FBXL3: variants seen among roughly 807,000 people sequenced by gnomAD.
FBXL3 encodes F-box and leucine rich repeat protein 3, also known as F-box/LRR-repeat protein 3.
A neutral mutation model predicts 37.9 loss-of-function variants in FBXL3; 14 were observed. The observed-to-expected ratio is 0.37, with a 90% CI of 0.24 to 0.58. The LOEUF (loss-of-function observed/expected upper bound fraction) is 0.58, where lower values mean the gene tolerates loss of function less well. Among genes scored for constraint, FBXL3 ranks in the 20% least tolerant of loss-of-function variants. The pLI, the probability that FBXL3 is intolerant of heterozygous loss-of-function variation, is 0.74. For missense variants in FBXL3, 327 were observed against 511.1 expected, an observed-to-expected ratio of 0.64 and a Z score of 3.47; for synonymous variants, 194 against 180.1, an observed-to-expected ratio of 1.08 and a Z score of -0.62.
rs948437666 is a variant in FBXL3, at chr13:77,027,049, C to T, written c.-224G>A. On this transcript the variant is annotated 5_prime_UTR_variant, in exon 1 of 5. Coordinates refer to ENST00000355619, the MANE Select transcript of FBXL3 (RefSeq NM_012158.4). ...GGCTGCCCAGAAAGAAGCTTTCCTT[C>T]TCAGTCCCGCGCTGTCTGTGTTCAG... is the stretch of plus-strand genomic sequence containing the variant. 3.3e-5 allele frequency: 5 copies of T among 152,020 alleles called. No homozygotes were observed. Among genetic ancestry groups the T allele is most frequent in the Admixed American group, 2.6e-4 (4 of 15,252 alleles). The allele number at this position is 152,020 out of a possible 1,614,324, so 9.4% of individuals were successfully genotyped here.
In FBXL3 at chr13:77,007,548, A is replaced by G. The variant is rs1216357687; in HGVS notation, c.884T>C (p.Leu295Ser). The change falls in exon 5 of 5, where the codon TTA becomes TCA. Residue 295 changes from leucine to serine, a missense_variant. Physicochemically the swap from Leu to Ser is moderately radical, Grantham distance 145 (BLOSUM62 -2). Transcript: ENST00000355619. Reference sequence around the variant, plus strand: ...GAAGGGGTCAAATTCTTCTTCATATAAAAAAAAATACATCACTAAGTTCAC... The same window carrying G: ...GAAGGGGTCAAATTCTTCTTCATATGAAAAAAAATACATCACTAAGTTCAC... ...PKVNLVMYFF[L>S]YEEEFDPFFR... 1 of 1,561,674 alleles carries G rather than the reference A, an allele frequency of 6.4e-7. No homozygotes were observed. Among genetic ancestry groups the G allele is most frequent in the African/African-American group, 1.4e-5 (1 of 73,490 alleles).
Position 77,021,518 on chromosome 13 carries a change from A to G in FBXL3, c.343T>C (p.Phe115Leu). 2 of 1,601,542 alleles carry G rather than the reference A, an allele frequency of 1.2e-6. No homozygotes were observed. Among genetic ancestry groups the G allele is most frequent in the Non-Finnish European group, 1.7e-6 (2 of 1,171,792 alleles). Residue 115 changes from phenylalanine to leucine, a missense_variant, in exon 2 of 5, where the codon TTC (phenylalanine) becomes CTC (leucine). Phe to Leu is a conservative substitution (Grantham distance 22, BLOSUM62 0). Coordinates refer to ENST00000355619, the MANE Select transcript of FBXL3 (RefSeq NM_012158.4). Reference sequence around the variant, plus strand: ...AGAAGGATTTAAAATATTACCTTGAAGCTGACATATTGTAGATGGTTTGAA... The same window carrying G: ...AGAAGGATTTAAAATATTACCTTGAGGCTGACATATTGTAGATGGTTTGAA... ...RHSNHLQYVS[F>L]KVDSSKESAE...
At chr13:77,023,460 C>A (rs2034783799) in intron 1 of FBXL3, among the ~76,000 whole-genome samples, 2 of 152,014 alleles carry the variant, frequency 1.3e-5, no homozygotes, top group South Asian at 4.1e-4. Context: ...CAACAGTAGA[C>A]GGCAGATTAC....
At chr13:77,024,470 A>G (rs1043791242) in intron 1 of FBXL3, among the ~76,000 whole-genome samples, 5 of 152,226 alleles carry the variant, frequency 3.3e-5, no homozygotes, top group Non-Finnish European at 7.3e-5. Context: ...TAAAACCAGA[A>G]CTAGACAACT....
At chr13:77,026,471 C>A (rs1593939583) in intron 1 of FBXL3, 2 of 676,662 alleles carry the variant, frequency 3.0e-6, no homozygotes, top group African/African-American at 1.9e-5. Context: ...CCACAGAGTG[C>A]GAGCTCCATG....
rs1357085859 is a variant in FBXL3, at chr13:77,007,771, C to T, written c.661G>A (p.Asp221Asn). 5 of 1,596,146 alleles carry T rather than the reference C, an allele frequency of 3.1e-6. No individual in the cohort carries two copies. The highest frequency in any genetic ancestry group is 4.3e-6 in the Non-Finnish European group (5 of 1,168,754). Residue 221 changes from aspartate to asparagine, a missense_variant, in exon 5 of 5, where the codon GAT (aspartate) becomes AAT (asparagine). Asp to Asn is a conservative substitution (Grantham distance 23). Transcript: ENST00000355619. ...VSPAGILCVADQCHGLRELAL... is the reference protein window; with the variant it reads ...VSPAGILCVANQCHGLRELAL... ...AGTTCTCTTAAGCCGTGACACTGAT[C>T]AGCCACACAAAGGATACCTTGAAAG...
At chr13:77,021,438 G>A in intron 2 of FBXL3, 75 bp downstream of exon 2, 1 of 1,113,642 alleles carries the variant, frequency 9.0e-7, no homozygotes. Context: ...TTAAAGGCAT[G>A]AGAAGATGTA....
At chr13:77,012,402 A>C (rs1365841914) in intron 4 of FBXL3, among the ~76,000 whole-genome samples, 1 of 152,234 alleles carries the variant, frequency 6.6e-6, no homozygotes, top group Non-Finnish European at 1.5e-5. Flanking sequence ...AATTAATACA[A>C]GCAAACTGCT....
intron 4 of FBXL3, 86 bp from the exon 5 acceptor site, chr13:77,007,874 T>G: frequency 2.6e-6 from 3 of 1,147,174 alleles, no homozygotes; most frequent in Non-Finnish European, 2.4e-6. Context: ...CCACAAAAGT[T>G]TGTCACAGTT....
chr13:77,026,319 G>T (rs2034837200), intron 1 of FBXL3: 2 of 985,412 alleles, frequency 2.0e-6, no homozygotes, highest in Non-Finnish European at 2.4e-6. Flanking sequence ...CGGCAGGGGC[G>T]TCCCCTCCTC....
chr13:77,018,069 A>T (rs1336443059), intron 3 of FBXL3: 1 of 152,118 alleles, frequency 6.6e-6, no homozygotes, highest in Non-Finnish European at 1.5e-5. Context: ...TATATGCAGG[A>T]TCATGTTAGA....
At chr13:77,019,044 G>C in intron 2 of FBXL3, 1 of 191,680 alleles carries the variant, frequency 5.2e-6, no homozygotes, top group Admixed American at 5.9e-5. Context: ...TTATTCCAAA[G>C]TGACTGTATA....
Position 77,007,247 on chromosome 13 carries a change from T to C in FBXL3, c.1185A>G (p.Glu395=). The change falls in exon 5 of 5, where the codon GAA becomes GAG. Residue 395 remains glutamate, a synonymous_variant. Coordinates refer to ENST00000355619, the MANE Select transcript of FBXL3 (RefSeq NM_012158.4). Reference sequence around the variant, plus strand: ...TATACTTTTGGTCAGGAATTAGTACTTCTTCCATAATGGATAATTGAGATA... The same window carrying C: ...TATACTTTTGGTCAGGAATTAGTACCTCTTCCATAATGGATAATTGAGATA... ...GRLSQLSIME[E]VLIPDQKYSL... is the part of the protein sequence containing the mutation. 6.2e-7 allele frequency: 1 copy of C among 1,614,158 alleles called. No individual in the cohort carries two copies. Among genetic ancestry groups the C allele is most frequent in the Non-Finnish European group, 8.5e-7 (1 of 1,180,040 alleles).
At chr13:77,022,985 A>G (rs2034772278) in intron 1 of FBXL3, among the ~76,000 whole-genome samples, 1 of 152,196 alleles carries the variant, frequency 6.6e-6, no homozygotes, top group African/African-American at 2.4e-5. Flanking sequence ...ATGCAATACT[A>G]TTAAGGCTTT....
intron 4 of FBXL3, among the ~76,000 whole-genome samples, chr13:77,011,250 G>C (rs1200146195): frequency 6.7e-6 from 1 of 148,718 alleles, no homozygotes; most frequent in African/African-American, 2.5e-5. Flanking sequence ...TGAGGCAGGA[G>C]AATCACCTGA....
chr13:77,014,234 T>C (rs2034604641), intron 4 of FBXL3: 1 of 152,092 alleles, frequency 6.6e-6, no homozygotes, highest in Non-Finnish European at 1.5e-5. Context: ...CAAACAAAAA[T>C]CTGTAGTTCC....
chr13:77,011,372 G>T (rs1418871154), intron 4 of FBXL3, among the ~76,000 whole-genome samples: 1 of 147,770 alleles, frequency 6.8e-6, no homozygotes. Flanking sequence ...ATAGGCAAAG[G>T]ATCTGAATAG....
At chr13:77,015,728 T>C in intron 3 of FBXL3, 148 bp from the exon 4 acceptor site, 1 of 453,586 alleles carries the variant, frequency 2.2e-6, no homozygotes, top group Non-Finnish European at 3.7e-6. Flanking sequence ...CACTCTGTTG[T>C]TGGGAATATG....
chr13:77,016,094 T>C (rs2154037026), intron 3 of FBXL3: 1 of 152,332 alleles, frequency 6.6e-6, no homozygotes, highest in Non-Finnish European at 1.5e-5. Context: ...ATCAAAATAA[T>C]ACTTAAAATT....
Sources: allele counts gnomAD v4.1 joint callset (sites outside exome capture counted in the v4.1 genomes callset), GRCh38; gene constraint gnomAD v4.1.1; transcripts MANE v1.5; gene names NCBI Gene and HGNC (gene_info 2026-07-23, HGNC 2026-07-21).